RYR3: variants seen among roughly 807,000 people sequenced by gnomAD.
RYR3 encodes the protein ryanodine receptor 3.
Under a neutral mutation model 584.3 loss-of-function variants are expected in RYR3, and 207 were observed. The observed-to-expected ratio is 0.35, with a 90% CI of 0.32 to 0.40. The LOEUF is 0.40. Among genes scored for constraint, RYR3 ranks in the 10% least tolerant of loss-of-function variants. The pLI is 1.00. For missense variants in RYR3, 5,616 were observed against 6,089.2 expected, an observed-to-expected ratio of 0.92 and a Z score of 2.59; for synonymous variants, 2,416 against 2,248.5, an observed-to-expected ratio of 1.07 and a Z score of -2.11.
chr15:33,401,080 C>T (rs1023790642), intron 1 of RYR3, among the ~76,000 whole-genome samples: 6 of 152,256 alleles, frequency 3.9e-5, no homozygotes, highest in Admixed American at 1.3e-4. Flanking sequence ...CAAATATGAG[C>T]GAATGCCCTT....
chr15:33,468,845 C>T (rs1010574636), intron 1 of RYR3, among the ~76,000 whole-genome samples: 1 of 152,202 alleles, frequency 6.6e-6, no homozygotes, highest in African/African-American at 2.4e-5. Flanking sequence ...GTAGTGGTAG[C>T]AAGTGCATCA....
chr15:33,863,740 ATAAT>A (rs1456957351), intron 102 of RYR3, among the ~76,000 whole-genome samples: 7 of 152,348 alleles, frequency 4.6e-5, no homozygotes, highest in Middle Eastern at 3.4e-3. Context: ...AGACACACAC[ATAAT>A]TAATTTCAAT....
At chr15:33,614,187 G>T (rs1395514082) in intron 19 of RYR3, among the ~76,000 whole-genome samples, 1 of 152,118 alleles carries the variant, frequency 6.6e-6, no homozygotes, top group Non-Finnish European at 1.5e-5. Flanking sequence ...AAATGAGGCT[G>T]TTTTCAGTCT....
Position 33,527,577 on chromosome 15 carries a change from ACT to A in RYR3, c.280-3012_280-3011del, listed in dbSNP as rs1335875927. Among the ~76,000 whole-genome samples, 11 of 131,408 alleles carry A rather than the reference ACT, an allele frequency of 8.4e-5. No individual in the cohort carries two copies. The East Asian group carries it at 2.5e-3, about 30-fold the overall frequency. The allele number at this position is 131,408 out of a possible 152,430, so 86.2% of individuals were successfully genotyped here. On this transcript the variant is annotated intron_variant, in intron 3 of 103. Coordinates refer to ENST00000634891, the MANE Select transcript of RYR3 (RefSeq NM_001036.6). ...CCAGCCTGGGCAACAGAGGGACACA[ACT>A]CTGTCTCAAAAAAAAAAAAAAAGGC...
intron 36 of RYR3, among the ~76,000 whole-genome samples, chr15:33,665,061 T>G (rs1374526394): frequency 6.6e-6 from 1 of 152,178 alleles, no homozygotes; most frequent in Non-Finnish European, 1.5e-5. Context: ...TTCCAAGAAT[T>G]ACTCCTGAAG....
At chr15:33,841,638 A>G (rs1174488598) in intron 90 of RYR3, among the ~76,000 whole-genome samples, 1 of 152,238 alleles carries the variant, frequency 6.6e-6, no homozygotes, top group Non-Finnish European at 1.5e-5. Context: ...GAAGAAGAGT[A>G]CAAACTTGTA....
intron 32 of RYR3, among the ~76,000 whole-genome samples, chr15:33,653,445 G>A (rs574803002): frequency 4.6e-5 from 7 of 152,236 alleles, no homozygotes; most frequent in African/African-American, 1.7e-4. Context: ...GCCGAGGCGG[G>A]GGGATCATGA....
intron 38 of RYR3, among the ~76,000 whole-genome samples, chr15:33,683,459 C>G (rs1044452677): frequency 6.6e-6 from 1 of 152,196 alleles, no homozygotes. Flanking sequence ...TGTATATTCA[C>G]AAGAAATAAG....
chr15:33,575,937 G>T (rs2058280657), intron 12 of RYR3, among the ~76,000 whole-genome samples: 1 of 152,010 alleles, frequency 6.6e-6, no homozygotes, highest in Non-Finnish European at 1.5e-5. Context: ...TATTAGCATT[G>T]ACCCCACAGA....
At chr15:33,360,915 A>T (rs989161618) in intron 1 of RYR3, among the ~76,000 whole-genome samples, 6 of 152,226 alleles carry the variant, frequency 3.9e-5, no homozygotes, top group Non-Finnish European at 8.8e-5. Context: ...CAGAGGTTGC[A>T]CACCCACTTC....
chr15:33,413,320 A>G (rs933971418), intron 1 of RYR3, among the ~76,000 whole-genome samples: 4 of 152,234 alleles, frequency 2.6e-5, no homozygotes, highest in Non-Finnish European at 4.4e-5. Context: ...TGAACATTAG[A>G]AAGATATGCT....
chr15:33,719,352 C>A (rs1004717751), intron 43 of RYR3, among the ~76,000 whole-genome samples: 1 of 152,172 alleles, frequency 6.6e-6, no homozygotes. Flanking sequence ...TCTGATTTTT[C>A]AACTTCTGCA....
chr15:33,860,935 T>G (rs1887970893), intron 101 of RYR3, 143 bp from the exon 102 acceptor site: 1 of 591,198 alleles, frequency 1.7e-6, no homozygotes, highest in Admixed American at 2.5e-5. Flanking sequence ...AGCCAATGTA[T>G]GGCACTACTG....
intron 1 of RYR3, among the ~76,000 whole-genome samples, chr15:33,375,157 T>G (rs2141130582): frequency 6.6e-6 from 1 of 152,374 alleles, no homozygotes; most frequent in South Asian, 2.1e-4. Context: ...TCTGAATCTC[T>G]GTTTCTTTCT....
chr15:33,430,762 G>A (rs1023020324), intron 1 of RYR3, among the ~76,000 whole-genome samples: 1 of 152,058 alleles, frequency 6.6e-6, no homozygotes, highest in East Asian at 1.9e-4. Context: ...TGCTTATCAC[G>A]TTGCTCATTT....
intron 32 of RYR3, among the ~76,000 whole-genome samples, chr15:33,658,517 A>T (rs1356084451): frequency 6.6e-6 from 1 of 152,232 alleles, no homozygotes. Context: ...TTCTAGGGGA[A>T]TGATGACCCA....
intron 1 of RYR3, among the ~76,000 whole-genome samples, chr15:33,427,844 C>T (rs931330229): frequency 3.9e-5 from 6 of 152,208 alleles, no homozygotes; most frequent in African/African-American, 7.2e-5. Flanking sequence ...CCCCCATTTC[C>T]GCTGGGCAGC....
intron 101 of RYR3, 29 bp from the exon 102 acceptor site, chr15:33,861,049 A>C: frequency 6.7e-7 from 1 of 1,492,870 alleles, no homozygotes; most frequent in Non-Finnish European, 9.2e-7. Flanking sequence ...ATGCCAACAA[A>C]TGCCTTTTCT....
intron 2 of RYR3, among the ~76,000 whole-genome samples, chr15:33,485,567 G>A (rs2050346963): frequency 6.6e-6 from 1 of 152,206 alleles, no homozygotes; most frequent in South Asian, 2.1e-4. Context: ...TCATTGAATA[G>A]GAAGGAAAAC....
Sources: allele counts gnomAD v4.1 joint callset (sites outside exome capture counted in the v4.1 genomes callset), GRCh38; gene constraint gnomAD v4.1.1; transcripts MANE v1.5; gene names NCBI Gene and HGNC (gene_info 2026-07-23, HGNC 2026-07-21).